SLC35A3: variants seen among roughly 807,000 people sequenced by gnomAD.
SLC35A3 encodes UDP-N-acetylglucosamine transporter.
Under a neutral mutation model 39.0 loss-of-function variants are expected in SLC35A3, and 26 were observed. The observed-to-expected ratio is 0.67, with a 90% CI of 0.49 to 0.92. SLC35A3 has a LOEUF of 0.92. Among genes scored for constraint, SLC35A3 ranks in the 40% least tolerant of loss-of-function variants. The probability of loss-of-function intolerance (pLI) is 0.00; values close to 1 mark genes in which losing one functional copy is unlikely to be tolerated. For missense variants in SLC35A3, 299 were observed against 371.6 expected, an observed-to-expected ratio of 0.80 and a Z score of 1.61; for synonymous variants, 135 against 133.1, an observed-to-expected ratio of 1.01 and a Z score of -0.10.
chr1:100,017,344 A>G lies in SLC35A3; in HGVS notation c.754-338A>G, dbSNP rs189060472. On this transcript the variant is annotated intron_variant, in intron 6 of 7. Transcript: ENST00000533028. ...TACTCAAAAGTAAAAATATTTCACT[A>G]TTTAAAGTGACCAGTCCTCTTACAT... 0.01 allele frequency among the ~76,000 whole-genome samples: 1,594 copies of G among 152,322 alleles called. 15 individuals are homozygous for G. The highest frequency in any genetic ancestry group is 0.058 in the Middle Eastern group (17 of 294).
At chr1:100,001,628 A>G (rs1658809226) in intron 3 of SLC35A3, among the ~76,000 whole-genome samples, 1 of 151,976 alleles carries the variant, frequency 6.6e-6, no homozygotes, top group African/African-American at 2.4e-5. Context: ...TCTATATAAG[A>G]TCATGTCATT....
intron 1 of SLC35A3, among the ~76,000 whole-genome samples, chr1:99,988,172 A>G (rs1657859976): frequency 6.6e-6 from 1 of 152,202 alleles, no homozygotes; most frequent in Non-Finnish European, 1.5e-5. Flanking sequence ...GTCCCTTTGC[A>G]GTCAACCCTC....
chr1:99,975,697 A>T (rs1045569152), intron 1 of SLC35A3, among the ~76,000 whole-genome samples: 1 of 152,204 alleles, frequency 6.6e-6, no homozygotes, highest in Non-Finnish European at 1.5e-5. Flanking sequence ...GGTTGGGACC[A>T]GATTATGAGG....
intron 1 of SLC35A3, among the ~76,000 whole-genome samples, chr1:99,978,634 C>T (rs1429236504): frequency 2.6e-5 from 4 of 152,136 alleles, no homozygotes; most frequent in Non-Finnish European, 5.9e-5. Context: ...TGGCCAAGTC[C>T]TTGTTTTTTC....
chr1:99,990,558 G>A (rs1035947057), intron 1 of SLC35A3, among the ~76,000 whole-genome samples: 7 of 152,172 alleles, frequency 4.6e-5, no homozygotes, highest in Non-Finnish European at 8.8e-5. Context: ...TGGTGACAGC[G>A]AGACTCCGTC....
At chr1:100,020,886 G>A (rs1050102895) in intron 7 of SLC35A3, among the ~76,000 whole-genome samples, 1 of 152,158 alleles carries the variant, frequency 6.6e-6, no homozygotes, top group African/African-American at 2.4e-5. Flanking sequence ...ACTGATTGGA[G>A]TGGCTGAATT....
chr1:99,992,840 C>A (rs1427464644), intron 1 of SLC35A3, among the ~76,000 whole-genome samples: 1 of 152,126 alleles, frequency 6.6e-6, no homozygotes, highest in Non-Finnish European at 1.5e-5. Context: ...TGTTAATAGA[C>A]AGCCACTGGG....
chr1:100,012,028 T>G (rs1298376865), intron 5 of SLC35A3, among the ~76,000 whole-genome samples: 1 of 152,116 alleles, frequency 6.6e-6, no homozygotes, highest in Admixed American at 6.5e-5. Context: ...AACATTTTAT[T>G]TTAAATGAAC....
chr1:99,988,322 A>G (rs537395713), intron 1 of SLC35A3, among the ~76,000 whole-genome samples: 16 of 152,012 alleles, frequency 1.1e-4, no homozygotes, highest in African/African-American at 3.6e-4. Context: ...TTTGCTCAGT[A>G]TGTTTTTTAC....
chr1:100,003,285 G>A (rs1483338930), intron 3 of SLC35A3, among the ~76,000 whole-genome samples: 2 of 151,578 alleles, frequency 1.3e-5, no homozygotes, highest in Non-Finnish European at 2.9e-5. Flanking sequence ...GCATGGTGGC[G>A]GGTACCTGTA....
rs760381564 is a variant in SLC35A3, at chr1:100,015,157, C to CA, written c.635-125dup. On this transcript the variant is annotated intron_variant, in intron 5 of 7. Transcript: ENST00000533028. ...TGGGCAACAGAGCAAGACTCCGTCTCAAAAAAAAAAAAAAAAAAAAGAAAG... is the reference window on the plus strand; with the variant it reads ...TGGGCAACAGAGCAAGACTCCGTCTCAAAAAAAAAAAAAAAAAAAAAGAAAG... 0.14 allele frequency: 62,332 copies of CA among 450,718 alleles called. 426 individuals carry two copies. Among genetic ancestry groups the CA allele is most frequent in the African/African-American group, 0.16 (4,773 of 30,240 alleles). The allele number at this position is 450,718 out of a possible 1,614,324, so 27.9% of individuals were successfully genotyped here. A position where few individuals can be genotyped will look rare whatever the true frequency, so the allele number is the denominator to read the frequency against.
At chr1:99,990,269 TA>T (rs56922913) in intron 1 of SLC35A3, among the ~76,000 whole-genome samples, 4,910 of 152,180 alleles carry the variant, frequency 0.032, 283 homozygotes, top group African/African-American at 0.11. Flanking sequence ...GGTAGAGGGT[TA>T]TTTTTTAAAA....
intron 3 of SLC35A3, among the ~76,000 whole-genome samples, chr1:100,002,235 A>G (rs79671338): frequency 0.013 from 2,038 of 152,288 alleles, 18 homozygotes; most frequent in Middle Eastern, 0.058. Context: ...AATTGAAGCC[A>G]TCCAGTCCTG....
intron 1 of SLC35A3, among the ~76,000 whole-genome samples, chr1:99,989,083 C>T (rs972831179): frequency 6.6e-6 from 1 of 152,112 alleles, no homozygotes. Flanking sequence ...TACCATTTTA[C>T]ATTTTCACTA....
At chr1:99,976,873 T>G (rs2101031351) in intron 1 of SLC35A3, among the ~76,000 whole-genome samples, 1 of 152,268 alleles carries the variant, frequency 6.6e-6, no homozygotes, top group Admixed American at 6.5e-5. Context: ...GCTGATTACC[T>G]GGGTGACAAA....
At chr1:100,003,732 A>G (rs145121265) in intron 3 of SLC35A3, among the ~76,000 whole-genome samples, 1 of 152,294 alleles carries the variant, frequency 6.6e-6, no homozygotes, top group East Asian at 1.9e-4. Context: ...TGAAGTCCCC[A>G]ATTGTTACTG....
intron 3 of SLC35A3, among the ~76,000 whole-genome samples, chr1:100,003,428 A>AG (rs1658965423): frequency 6.6e-6 from 1 of 151,730 alleles, no homozygotes; most frequent in Admixed American, 6.6e-5. Flanking sequence ...AAAAAAAAAA[A>AG]AAAAAAAAAA....
intron 1 of SLC35A3, among the ~76,000 whole-genome samples, chr1:99,972,247 C>T (rs1656858013): frequency 6.6e-6 from 1 of 151,446 alleles, no homozygotes; most frequent in Non-Finnish European, 1.5e-5. Context: ...TCTTACAACA[C>T]TTGTTAAATT....
chr1:99,997,724 A>G (rs1428922789), intron 2 of SLC35A3, among the ~76,000 whole-genome samples: 1 of 151,230 alleles, frequency 6.6e-6, no homozygotes, highest in Non-Finnish European at 1.5e-5. Context: ...AATAATTTAC[A>G]ATATGAAGAG....
Sources: allele counts gnomAD v4.1 joint callset (sites outside exome capture counted in the v4.1 genomes callset), GRCh38; gene constraint gnomAD v4.1.1; transcripts MANE v1.5; gene names NCBI Gene and HGNC (gene_info 2026-07-23, HGNC 2026-07-21).